TSPAN8: variants seen among roughly 807,000 people sequenced by gnomAD.
TSPAN8 encodes tetraspanin-8.
A neutral mutation model predicts 32.8 loss-of-function variants in TSPAN8; 21 were observed. That is an observed-to-expected ratio of 0.64 (90% CI 0.45 to 0.92). The LOEUF (loss-of-function observed/expected upper bound fraction) is 0.92, where lower values mean the gene tolerates loss of function less well. Ranked by LOEUF, TSPAN8 falls within the 40% of genes least tolerant of loss-of-function variation. TSPAN8 has a pLI of 0.00. For synonymous variants in TSPAN8, 95 were observed against 94.6 expected, an observed-to-expected ratio of 1.00 and a Z score of -0.03; for missense variants, 269 against 281.9, an observed-to-expected ratio of 0.95 and a Z score of 0.33.
chr12:71,134,038 A>G (rs1871604374), intron 6 of TSPAN8, among the ~76,000 whole-genome samples: 1 of 152,244 alleles, frequency 6.6e-6, no homozygotes, highest in South Asian at 2.1e-4. Flanking sequence ...TACATTAATA[A>G]TAAATGTGTA....
At chr12:71,133,665 A>C (rs1871590227) in intron 6 of TSPAN8, among the ~76,000 whole-genome samples, 1 of 152,220 alleles carries the variant, frequency 6.6e-6, no homozygotes, top group Non-Finnish European at 1.5e-5. Context: ...ACACAAATGA[A>C]GAATGAAGCT....
chr12:71,128,247 C>A (rs139039661), intron 8 of TSPAN8, among the ~76,000 whole-genome samples: 1 of 152,302 alleles, frequency 6.6e-6, no homozygotes, highest in Admixed American at 6.5e-5. Flanking sequence ...AGTCCCTAAC[C>A]TTTCTCTAAT....
At chr12:71,138,268 G>A in intron 4 of TSPAN8, 38 bp from the exon 5 acceptor site, 13 of 1,580,082 alleles carry the variant, frequency 8.2e-6, no homozygotes, top group Non-Finnish European at 1.0e-5. Flanking sequence ...TATCCTCAGT[G>A]CATTCAGTAA....
At chr12:71,156,777 T>A (rs1872457693) in intron 2 of TSPAN8, 1 of 152,240 alleles carries the variant, frequency 6.6e-6, no homozygotes, top group Admixed American at 6.5e-5. Flanking sequence ...TACAAAATAC[T>A]TTTTTCATTT....
intron 2 of TSPAN8, among the ~76,000 whole-genome samples, chr12:71,156,268 A>AAC (rs1872432112): frequency 7.2e-5 from 4 of 55,730 alleles, no homozygotes; most frequent in African/African-American, 1.9e-4. Flanking sequence ...AAAAAAAAAA[A>AAC]CAAACAAAAA....
chr12:71,157,885 G>A, intron 1 of TSPAN8, 45 bp downstream of exon 1: 1 of 545,592 alleles, frequency 1.8e-6, no homozygotes, highest in Non-Finnish European at 3.3e-6. Flanking sequence ...TATCGCAAAG[G>A]CTATTAACCC....
At chr12:71,129,204 A>G (rs1255369812) in intron 8 of TSPAN8, 127 bp downstream of exon 8, 1 of 1,021,458 alleles carries the variant, frequency 9.8e-7, no homozygotes, top group African/African-American at 1.7e-5. Flanking sequence ...GCTTTTCTAA[A>G]GCATCTGCGT....
At chr12:71,156,273 CAAAA>C (rs1361979359) in intron 2 of TSPAN8, among the ~76,000 whole-genome samples, 1 of 36,584 alleles carries the variant, frequency 2.7e-5, no homozygotes, top group East Asian at 1.3e-3. Context: ...AAAAAACAAA[CAAAA>C]AAAAAACTAG....
intron 2 of TSPAN8, among the ~76,000 whole-genome samples, chr12:71,149,292 C>T (rs550699812): frequency 7.9e-5 from 12 of 151,152 alleles, no homozygotes; most frequent in East Asian, 1.9e-4. Context: ...TGCTTGAACC[C>T]GGCAGGTGGA....
chr12:71,127,903 T>C lies in TSPAN8; in HGVS notation c.660+1428A>G, dbSNP rs189276158. Among the ~76,000 whole-genome samples the C allele has an allele frequency of 2.6e-5, 4 of 152,312 alleles. No individual in the cohort carries two copies. In the East Asian group the frequency reaches 7.7e-4, roughly 29 times the overall value. On this transcript the variant is annotated intron_variant, in intron 8 of 8. Coordinates refer to ENST00000247829, the MANE Select transcript of TSPAN8 (RefSeq NM_004616.3). ...TGAAATATAACTCTTATATTAAATA[T>C]CTCATTTAAAGCATGCTCTCTCATT... is the stretch of plus-strand genomic sequence containing the variant.
chr12:71,129,245 T>A, intron 8 of TSPAN8, 86 bp downstream of exon 8: 1 of 1,300,612 alleles, frequency 7.7e-7, no homozygotes, highest in Non-Finnish European at 1.0e-6. Flanking sequence ...TTTTTTTTTC[T>A]GTTTGTTTGT....
intron 2 of TSPAN8, among the ~76,000 whole-genome samples, chr12:71,154,850 T>C (rs544702981): frequency 2.0e-5 from 3 of 152,278 alleles, no homozygotes; most frequent in Admixed American, 6.5e-5. Context: ...ATCTGGAACA[T>C]GTCAAACCAA....
At chr12:71,152,895 A>G (rs1230448236) in intron 2 of TSPAN8, among the ~76,000 whole-genome samples, 1 of 152,206 alleles carries the variant, frequency 6.6e-6, no homozygotes, top group Non-Finnish European at 1.5e-5. Context: ...ATAAAATACA[A>G]TGATGAATAT....
chr12:71,139,152 C>T lies in TSPAN8; in HGVS notation c.261+559G>A, dbSNP rs1413149551. On this transcript the variant is annotated intron_variant, in intron 4 of 8. Coordinates refer to ENST00000247829, the MANE Select transcript of TSPAN8 (RefSeq NM_004616.3). ...ACCTATGATTTTACCACAACCCACA[C>T]TTGGATTCATCTTCCATCATTTACT... The T allele has an allele frequency of 2.2e-5, 10 of 456,180 alleles. No homozygotes were observed. In the East Asian group the frequency reaches 6.9e-4, roughly 32 times the overall value. 28.3% of individuals were successfully genotyped at this position (456,180 alleles called of 1,614,324 possible).
At chr12:71,154,137 T>A (rs1369851468) in intron 2 of TSPAN8, among the ~76,000 whole-genome samples, 2 of 151,896 alleles carry the variant, frequency 1.3e-5, no homozygotes, top group Non-Finnish European at 2.9e-5. Flanking sequence ...GGCAAAACCC[T>A]GTCTCCACTA....
At chr12:71,139,593 G>A (rs1176829925) in intron 4 of TSPAN8, 118 bp downstream of exon 4, 2 of 1,346,876 alleles carry the variant, frequency 1.5e-6, no homozygotes, top group South Asian at 1.5e-5. Context: ...ACCTTCTAAA[G>A]AGAAGTTGGA....
intron 4 of TSPAN8, chr12:71,139,288 T>A (rs1482275808): frequency 2.2e-6 from 1 of 460,414 alleles, no homozygotes; most frequent in African/African-American, 2.0e-5. Context: ...CCCTCACTCA[T>A]ACAAATACCT....
chr12:71,139,057 A>T, intron 4 of TSPAN8: 1 of 454,670 alleles, frequency 2.2e-6, no homozygotes, highest in South Asian at 1.6e-5. Flanking sequence ...TATCCTCCTC[A>T]ATGCTCTCTA....
chr12:71,151,116 T>G (rs895810648), intron 2 of TSPAN8, among the ~76,000 whole-genome samples: 1 of 150,444 alleles, frequency 6.6e-6, no homozygotes, highest in Admixed American at 6.7e-5. Flanking sequence ...CAGGCTGGAG[T>G]GCAGTGGCGC....
Sources: gnomAD v4.1 joint callset for allele counts (sites outside exome capture counted in the v4.1 genomes callset) on GRCh38, gnomAD v4.1.1 for gene constraint, MANE v1.5 for transcripts, NCBI Gene and HGNC (gene_info 2026-07-23, HGNC 2026-07-21) for gene names.